PRKN: variants seen among roughly 807,000 people sequenced by gnomAD.
PRKN encodes the protein parkin RBR E3 ubiquitin protein ligase.
PRKN carries 56 observed loss-of-function variants against 59.5 expected under a neutral mutation model. The ratio of observed to expected loss-of-function variants is 0.94; its 90% CI spans 0.76 to 1.18. The LOEUF is 1.18. Ranked by LOEUF, PRKN falls within the 50% of genes most tolerant of loss-of-function variation. The pLI is 0.00. For missense variants in PRKN, 657 were observed against 596.4 expected, an observed-to-expected ratio of 1.10 and a Z score of -1.06; for synonymous variants, 250 against 222.1, an observed-to-expected ratio of 1.13 and a Z score of -1.12.
intron 9 of PRKN, among the ~76,000 whole-genome samples, chr6:161,509,418 T>C (rs751223927): frequency 2.0e-5 from 3 of 152,042 alleles, no homozygotes; most frequent in Non-Finnish European, 2.9e-5. Context: ...TCAAGGCTTT[T>C]AGAGCCAGGG....
chr6:161,721,998 C>T (rs931584276), intron 7 of PRKN, among the ~76,000 whole-genome samples: 1 of 152,182 alleles, frequency 6.6e-6, no homozygotes, highest in East Asian at 1.9e-4. Flanking sequence ...CTCAGACTCA[C>T]AGGGAGGGAA....
At chr6:161,867,076 A>C (rs889823152) in intron 6 of PRKN, among the ~76,000 whole-genome samples, 3 of 152,192 alleles carry the variant, frequency 2.0e-5, no homozygotes, top group African/African-American at 7.2e-5. Context: ...GCATTATTTT[A>C]GTATCTGGAC....
In PRKN at chr6:161,655,181, GCA is replaced by G. The variant is rs1562586802; in HGVS notation, c.872-85767_872-85766del. ...ATTCCTGGGCCCACCCAGGCTCTCA[GCA>G]TCATTAGCATGGGCCTGGCCCCTCA... On this transcript the variant is annotated intron_variant, in intron 7 of 11. Transcript: ENST00000366898. Among the ~76,000 whole-genome samples, 179 of 114,488 alleles carry G rather than the reference GCA, an allele frequency of 1.6e-3. 1 individual carries two copies. Among genetic ancestry groups the G allele is most frequent in the African/African-American group, 6.9e-3 (164 of 23,910 alleles). The allele number at this position is 114,488 out of a possible 152,430, so 75.1% of individuals were successfully genotyped here. A position where few individuals can be genotyped will look rare whatever the true frequency, so the allele number is the denominator to read the frequency against.
intron 1 of PRKN, among the ~76,000 whole-genome samples, chr6:162,539,514 A>C (rs1324709321): frequency 6.6e-6 from 1 of 152,222 alleles, no homozygotes; most frequent in African/African-American, 2.4e-5. Flanking sequence ...GATCAGCAGC[A>C]TCAGTTGGAG....
intron 6 of PRKN, among the ~76,000 whole-genome samples, chr6:161,859,774 G>T (rs778354754): frequency 6.6e-6 from 1 of 152,068 alleles, no homozygotes; most frequent in Non-Finnish European, 1.5e-5. Flanking sequence ...GGTGTTAGAA[G>T]GCCTGAAACT....
chr6:162,666,989 T>C (rs759001403), intron 1 of PRKN, among the ~76,000 whole-genome samples: 1 of 152,080 alleles, frequency 6.6e-6, no homozygotes, highest in African/African-American at 2.4e-5. Flanking sequence ...CCTACATTAA[T>C]AAGAAGACTG....
At chr6:162,438,689 T>C (rs1039779072) in intron 2 of PRKN, among the ~76,000 whole-genome samples, 3 of 152,210 alleles carry the variant, frequency 2.0e-5, no homozygotes, top group Non-Finnish European at 4.4e-5. Flanking sequence ...GAAGGTGTGA[T>C]ATTTCTCTGG....
chr6:161,490,308 TCTTG>T (rs111399768), intron 9 of PRKN, among the ~76,000 whole-genome samples: 3,145 of 143,466 alleles, frequency 0.022, 113 homozygotes, highest in African/African-American at 0.077. Flanking sequence ...TACTTTTCTT[TCTTG>T]CTTGCTTGCT....
chr6:161,774,922 G>T (rs958987004), intron 7 of PRKN, among the ~76,000 whole-genome samples: 11 of 152,152 alleles, frequency 7.2e-5, no homozygotes, highest in Admixed American at 1.3e-4. Context: ...CAATTTGGAG[G>T]CAGAAGGAAC....
intron 6 of PRKN, among the ~76,000 whole-genome samples, chr6:161,931,866 CA>C (rs1334601950): frequency 1.3e-5 from 2 of 152,048 alleles, no homozygotes; most frequent in African/African-American, 4.8e-5. Context: ...GAATTTAGCA[CA>C]AAACTGTGAT....
chr6:162,222,387 C>T (rs1429128809), intron 3 of PRKN, among the ~76,000 whole-genome samples: 1 of 152,124 alleles, frequency 6.6e-6, no homozygotes, highest in Non-Finnish European at 1.5e-5. Flanking sequence ...CTTGTGGAAA[C>T]GAAGATACGG....
intron 4 of PRKN, among the ~76,000 whole-genome samples, chr6:162,064,739 C>T (rs1778253512): frequency 6.6e-6 from 1 of 152,180 alleles, no homozygotes; most frequent in South Asian, 2.1e-4. Flanking sequence ...TCTGTATTTT[C>T]AAAGTTACAT....
At chr6:161,408,497 T>C (rs929344055) in intron 9 of PRKN, among the ~76,000 whole-genome samples, 4 of 151,212 alleles carry the variant, frequency 2.6e-5, no homozygotes, top group Admixed American at 2.0e-4. Flanking sequence ...TTTTTTTTTT[T>C]TGGTACAATT....
At chr6:162,054,030 A>C in intron 5 of PRKN, 61 bp downstream of exon 5, 3 of 1,089,892 alleles carry the variant, frequency 2.8e-6, no homozygotes, top group Non-Finnish European at 4.3e-6. Context: ...ATTTCCTGGC[A>C]AACAGTGAAG....
intron 7 of PRKN, among the ~76,000 whole-genome samples, chr6:161,747,732 G>A (rs546555093): frequency 1.3e-5 from 2 of 152,260 alleles, no homozygotes; most frequent in Non-Finnish European, 2.9e-5. Flanking sequence ...GTAATATAAG[G>A]TGTTAGCAGG....
At chr6:162,422,871 G>C (rs534708871) in intron 2 of PRKN, among the ~76,000 whole-genome samples, 1 of 151,028 alleles carries the variant, frequency 6.6e-6, no homozygotes, top group South Asian at 2.1e-4. Context: ...TCTTGAACCC[G>C]GGAGGCAGAG....
At position 161,562,939 on chromosome 6, in the gene PRKN, C is replaced by T. The variant is rs1780510908; in HGVS notation, c.933+6416G>A. On this transcript the variant is annotated intron_variant, in intron 8 of 11. Coordinates refer to ENST00000366898, the MANE Select transcript of PRKN (RefSeq NM_004562.3). This position sits in a 1 kb window ranked among gnomAD's most constrained non-coding sequence, Gnocchi z 4.3. ...TCAGAACAAAACCCATATGCTTAAC[C>T]CTGGTGTCCTTGGTCCAGGTGGCCT... 6.6e-6 allele frequency among the ~76,000 whole-genome samples: 1 copy of T among 152,176 alleles called. No homozygotes were observed. The highest frequency in any genetic ancestry group is 2.4e-5 in the African/African-American group (1 of 41,440).
At chr6:162,617,891 G>A (rs918822930) in intron 1 of PRKN, among the ~76,000 whole-genome samples, 1 of 152,028 alleles carries the variant, frequency 6.6e-6, no homozygotes, top group African/African-American at 2.4e-5. Flanking sequence ...TTCCTAAGGG[G>A]TTTCAATGTA....
chr6:162,565,213 CA>C (rs1780007543), intron 1 of PRKN, among the ~76,000 whole-genome samples: 1 of 151,704 alleles, frequency 6.6e-6, no homozygotes, highest in African/African-American at 2.4e-5. Flanking sequence ...ATGATAATAT[CA>C]AACCAAAACA....
Sources: allele counts gnomAD v4.1 joint callset (sites outside exome capture counted in the v4.1 genomes callset), GRCh38; gene constraint gnomAD v4.1.1; non-coding constraint Gnocchi (gnomAD v3.1); transcripts MANE v1.5; gene names NCBI Gene and HGNC (gene_info 2026-07-23, HGNC 2026-07-21).